The following SPG7 variants were observed in gnomAD, a reference collection of about 807,000 sequenced individuals.
SPG7 encodes the protein SPG7 matrix AAA peptidase subunit, paraplegin.
SPG7 carries 103 observed loss-of-function variants against 81.9 expected under a neutral mutation model. The ratio of observed to expected loss-of-function variants is 1.26; its 90% CI spans 1.07 to 1.48. The LOEUF (loss-of-function observed/expected upper bound fraction) is 1.48, where lower values mean the gene tolerates loss of function less well. Ranked by LOEUF, SPG7 falls within the 40% of genes most tolerant of loss-of-function variation. SPG7 has a pLI of 0.00. For missense variants in SPG7, 1,241 were observed against 1,087.3 expected, an observed-to-expected ratio of 1.14 and a Z score of -1.99; for synonymous variants, 534 against 444.2, an observed-to-expected ratio of 1.20 and a Z score of -2.54.
intron 7 of SPG7, chr16:89,531,193 G>A (rs571693511): frequency 4.2e-5 from 15 of 358,184 alleles, no homozygotes; most frequent in African/African-American, 2.1e-4. Context: ...ACGGTGGGTC[G>A]CACCTGTAGT....
chr16:89,508,389 G>C (rs941380831), upstream of SPG7: 19 of 1,460,378 alleles, frequency 1.3e-5, no homozygotes, highest in Admixed American at 2.5e-5. Flanking sequence ...GCGCCCCGCG[G>C]ATCACGCAGG....
rs566254332 is a variant in SPG7, at chr16:89,554,337, CAG to C, written c.2104-148_2104-147del. On this transcript the variant is annotated intron_variant, in intron 15 of 16. Coordinates refer to ENST00000645818, the MANE Select transcript of SPG7 (RefSeq NM_003119.4). Reference sequence around the variant, plus strand: ...AGCCCTGCTTTCCTGGCACTGGTCACAGGGGCAGGAGACCACCTGTCGGCTGA... The same window carrying C: ...AGCCCTGCTTTCCTGGCACTGGTCACGGGCAGGAGACCACCTGTCGGCTGA... 449 of 700,296 alleles carry C rather than the reference CAG, an allele frequency of 6.4e-4. 3 individuals are homozygous for C. Among genetic ancestry groups the C allele is most frequent in the East Asian group, 2.8e-3 (103 of 36,964 alleles). The allele number at this position is 700,296 out of a possible 1,614,324, so 43.4% of individuals were successfully genotyped here.
At chr16:89,524,389 G>C in intron 4 of SPG7, 142 bp downstream of exon 4, 1 of 946,150 alleles carries the variant, frequency 1.1e-6, no homozygotes, top group South Asian at 1.6e-5. Context: ...TTGAGGGCAT[G>C]CTTCTTTCTC....
intron 16 of SPG7, chr16:89,554,771 A>G (rs1166363127): frequency 3.4e-6 from 2 of 579,852 alleles, no homozygotes; most frequent in Non-Finnish European, 6.3e-6. Flanking sequence ...CGAGGTAGAA[A>G]GAAGGCTGCC....
rs143847134 is a variant in SPG7 at position 89,523,254 on chromosome 16, T to A, written c.377-752T>A. On this transcript the variant is annotated intron_variant, in intron 3 of 16. Transcript: ENST00000645818. Reference sequence around the variant, plus strand: ...ATGCCTTTAGACTCAACAGTGTATCTCATGATATTTTTAAGTTCTATTTTC... The same window carrying A: ...ATGCCTTTAGACTCAACAGTGTATCACATGATATTTTTAAGTTCTATTTTC... 50 of 224,658 alleles carry A rather than the reference T, an allele frequency of 2.2e-4. No individual in the cohort carries two copies. In the East Asian group the frequency reaches 5.4e-3, roughly 24 times the overall value. 13.9% of individuals were successfully genotyped at this position (224,658 alleles called of 1,614,324 possible).
At chr16:89,529,737 C>A in intron 6 of SPG7, 158 bp downstream of exon 6, 1 of 700,706 alleles carries the variant, frequency 1.4e-6, no homozygotes, top group East Asian at 2.7e-5. Context: ...TCCCATGGTC[C>A]GGCTGTAAGG....
At chr16:89,525,298 T>C (rs886694166) in intron 4 of SPG7, among the ~76,000 whole-genome samples, 2 of 152,180 alleles carry the variant, frequency 1.3e-5, no homozygotes, top group African/African-American at 4.8e-5. Flanking sequence ...CAGGAAACCT[T>C]GTTCTTAAAA....
intron 9 of SPG7, chr16:89,536,668 T>C (rs1047792981): frequency 2.0e-4 from 293 of 1,442,152 alleles, no homozygotes; most frequent in Non-Finnish European, 2.6e-4. Flanking sequence ...GCGAGGCGGG[T>C]GAGATCGGGC....
At chr16:89,534,730 T>C (rs1368415356) in intron 9 of SPG7, among the ~76,000 whole-genome samples, 1 of 152,076 alleles carries the variant, frequency 6.6e-6, no homozygotes, top group South Asian at 2.1e-4. Flanking sequence ...GTAGTCAGAG[T>C]GTTCTTTGAT....
At chr16:89,540,893 C>T in intron 9 of SPG7, 1 of 985,048 alleles carries the variant, frequency 1.0e-6, no homozygotes, top group Non-Finnish European at 1.2e-6. Flanking sequence ...TGGAAGTGAC[C>T]CAGGTGCCAT....
chr16:89,535,411 C>T (rs1274274598), intron 9 of SPG7, among the ~76,000 whole-genome samples: 2 of 152,178 alleles, frequency 1.3e-5, no homozygotes, highest in Admixed American at 6.5e-5. Flanking sequence ...GTGAGATTCC[C>T]GACAGTGTGC....
chr16:89,544,369 C>A, intron 9 of SPG7: 1 of 421,730 alleles, frequency 2.4e-6, no homozygotes, highest in Non-Finnish European at 4.5e-6. Context: ...CACCGTGAGG[C>A]AGGGAGAGGC....
At chr16:89,551,079 A>G in intron 13 of SPG7, 1 of 230,256 alleles carries the variant, frequency 4.3e-6, no homozygotes, top group Non-Finnish European at 8.9e-6. Context: ...ACAAACAAAC[A>G]AAAAACTACT....
rs549941498 is a variant in SPG7, at chr16:89,529,451, G to A, written c.759-26G>A. ...CTGTCACGTGACACCGTCTGAGCCT[G>A]TGCCTGCCTCTCTTTCTTCCGGCAG... is the stretch of plus-strand genomic sequence containing the variant. On this transcript the variant is annotated intron_variant, in intron 5 of 16. Coordinates refer to ENST00000645818, the MANE Select transcript of SPG7 (RefSeq NM_003119.4). 69 of 1,521,608 alleles carry A rather than the reference G, an allele frequency of 4.5e-5. No homozygotes were observed. In the East Asian group the frequency reaches 1.5e-3, roughly 33 times the overall value. The allele number at this position is 1,521,608 out of a possible 1,614,324, so 94.3% of individuals were successfully genotyped here.
chr16:89,537,015 G>T, intron 9 of SPG7: 1 of 1,611,154 alleles, frequency 6.2e-7, no homozygotes, highest in Non-Finnish European at 8.5e-7. Flanking sequence ...AGCTGCTTCC[G>T]CCCCCGGATT....
At chr16:89,534,200 CT>C (rs1259092082) in intron 9 of SPG7, among the ~76,000 whole-genome samples, 29 of 152,322 alleles carry the variant, frequency 1.9e-4, no homozygotes, top group African/African-American at 7.0e-4. Context: ...CTGTGTCCCG[CT>C]GTCTGTCTCT....
At chr16:89,553,499 A>C in intron 14 of SPG7, 1 of 533,396 alleles carries the variant, frequency 1.9e-6, no homozygotes, top group Non-Finnish European at 3.4e-6. Context: ...CTCCAGGTCC[A>C]TGGGTTTGCC....
At chr16:89,546,556 C>G (rs918402354) in intron 10 of SPG7, 102 bp from the exon 11 acceptor site, 2 of 827,692 alleles carry the variant, frequency 2.4e-6, no homozygotes, top group Non-Finnish European at 2.1e-6. Context: ...CACTTGTAAT[C>G]CCAGCTACTT....
chr16:89,553,189 A>T, intron 14 of SPG7, 54 bp downstream of exon 14: 1 of 1,526,216 alleles, frequency 6.6e-7, no homozygotes. Context: ...TCCCTGCATG[A>T]CTCCTTCTGT....
Sources: gnomAD v4.1 joint callset for allele counts (sites outside exome capture counted in the v4.1 genomes callset) on GRCh38, gnomAD v4.1.1 for gene constraint, MANE v1.5 for transcripts, NCBI Gene and HGNC (gene_info 2026-07-23, HGNC 2026-07-21) for gene names.